The following NPNT variants were observed in gnomAD, a reference collection of about 807,000 sequenced individuals.
The protein encoded by NPNT is preosteoblast EGF-like repeat protein with MAM domain.
NPNT carries 45 observed loss-of-function variants against 68.6 expected under a neutral mutation model. The ratio of observed to expected loss-of-function variants is 0.66; its 90% CI spans 0.52 to 0.84. The LOEUF (loss-of-function observed/expected upper bound fraction) is 0.84, where lower values mean the gene tolerates loss of function less well. NPNT is among the 40% of genes least tolerant of loss of function. The pLI is 0.00. For synonymous variants in NPNT, 233 were observed against 253.3 expected (o/e 0.92, Z 0.76); for missense variants, 672 against 714.8 (o/e 0.94, Z 0.68).
intron 3 of NPNT, among the ~76,000 whole-genome samples, chr4:105,928,630 A>G (rs35143926): frequency 6.1e-5 from 9 of 148,054 alleles, no homozygotes; most frequent in South Asian, 2.1e-4. Context: ...AAAAAAAAAA[A>G]GAAAAAAAAA....
At chr4:105,940,833 C>T (rs1729887754) in intron 7 of NPNT, among the ~76,000 whole-genome samples, 197 bp downstream of exon 7, 1 of 152,174 alleles carries the variant, frequency 6.6e-6, no homozygotes, top group South Asian at 2.1e-4. Context: ...CAGTAATACA[C>T]TATAATCTTA....
rs1221464716 is a variant in NPNT at position 105,907,540 on chromosome 4, TAACA to T, written c.172+9546_172+9549del. ...GGGCCGAGGTTTTCTGTCTTCACGGTAACAAACAAATGATCAGTCCTCAAAGATA... is the reference window on the plus strand; with the variant it reads ...GGGCCGAGGTTTTCTGTCTTCACGGTAACAAATGATCAGTCCTCAAAGATA... On this transcript the variant is annotated intron_variant, in intron 2 of 11. Coordinates refer to ENST00000379987, the MANE Select transcript of NPNT (RefSeq NM_001033047.3). Among the ~76,000 whole-genome samples, 4 of 151,802 alleles carry T rather than the reference TAACA, an allele frequency of 2.6e-5. No individual in the cohort carries two copies. The East Asian group carries it at 5.8e-4, about 22-fold the overall frequency.
intron 2 of NPNT, chr4:105,912,380 G>A: frequency 1.5e-6 from 1 of 648,204 alleles, no homozygotes; most frequent in Non-Finnish European, 2.6e-6. Context: ...ATATTTCTTA[G>A]AGATGTGCTT....
At chr4:105,943,106 T>G (rs1371347255) in intron 8 of NPNT, among the ~76,000 whole-genome samples, 1 of 152,166 alleles carries the variant, frequency 6.6e-6, no homozygotes, top group Non-Finnish European at 1.5e-5. Flanking sequence ...CTTGTATTAG[T>G]TATTGGGTTC....
intron 3 of NPNT, chr4:105,932,464 C>A (rs1729190557): frequency 4.1e-6 from 2 of 491,030 alleles, no homozygotes; most frequent in Non-Finnish European, 7.2e-6. Flanking sequence ...CCAGAAGAAC[C>A]AGAAACTATT....
At position 105,970,493 on chromosome 4, in the gene NPNT, T is replaced by C; in HGVS notation, c.*1503T>C. On this transcript the variant is annotated 3_prime_UTR_variant, in exon 12 of 12. Coordinates refer to ENST00000379987, the MANE Select transcript of NPNT (RefSeq NM_001033047.3). ...AGAAGACTGAGGGGCAAACCATTGA[T>C]GGTTTTCAAGTATATGAAGGGTTGG... 6 of 693,630 alleles carry C rather than the reference T, an allele frequency of 8.7e-6. No individual in the cohort carries two copies. The highest frequency in any genetic ancestry group is 1.6e-5 in the Non-Finnish European group (6 of 378,482). 43.0% of individuals were successfully genotyped at this position (693,630 alleles called of 1,614,324 possible).
intron 8 of NPNT, among the ~76,000 whole-genome samples, chr4:105,956,313 A>G (rs367688169): frequency 2.0e-5 from 3 of 152,076 alleles, no homozygotes; most frequent in East Asian, 3.9e-4. Flanking sequence ...CCCCAATGCT[A>G]TGCTTTTTGC....
intron 2 of NPNT, among the ~76,000 whole-genome samples, chr4:105,901,099 T>C (rs72960951): frequency 0.042 from 6,405 of 152,238 alleles, 438 homozygotes; most frequent in African/African-American, 0.14. Flanking sequence ...TTTTTGTCAT[T>C]TTGATGGCAT....
intron 1 of NPNT, among the ~76,000 whole-genome samples, chr4:105,897,194 C>T (rs1725929765): frequency 6.6e-6 from 1 of 152,170 alleles, no homozygotes; most frequent in African/African-American, 2.4e-5. Context: ...AAATCTGTAT[C>T]CTGAAATTAC....
chr4:105,942,228 T>C, intron 7 of NPNT, 79 bp from the exon 8 acceptor site: 1 of 1,124,640 alleles, frequency 8.9e-7, no homozygotes. Context: ...TCATTAGATG[T>C]TTTTATGTCT....
chr4:105,923,315 G>T (rs1001369460), intron 2 of NPNT, among the ~76,000 whole-genome samples: 2 of 149,186 alleles, frequency 1.3e-5, no homozygotes, highest in Non-Finnish European at 3.0e-5. Context: ...TAGAAATAAA[G>T]TTTTTTTTTT....
intron 2 of NPNT, among the ~76,000 whole-genome samples, chr4:105,921,074 T>C (rs1370735971): frequency 6.6e-6 from 1 of 152,206 alleles, no homozygotes; most frequent in Non-Finnish European, 1.5e-5. Flanking sequence ...ACTTTAGTTT[T>C]CTTAAGTTAT....
At position 105,952,369 on chromosome 4, in the gene NPNT, T is replaced by G. The variant is rs111986845; in HGVS notation, c.1160-6102T>G. Among the ~76,000 whole-genome samples, 865 of 152,338 alleles carry G rather than the reference T, an allele frequency of 5.7e-3. 11 individuals are homozygous for G. The highest frequency in any genetic ancestry group is 0.02 in the African/African-American group (829 of 41,582). ...GAATACTGTGTTTTATTTAGGTGTT[T>G]ATAGTCTCATTAGACAGTTGTGATT... On this transcript the variant is annotated intron_variant, in intron 8 of 11. Transcript: ENST00000379987.
chr4:105,911,968 A>G, intron 2 of NPNT: 1 of 515,210 alleles, frequency 1.9e-6, no homozygotes, highest in Non-Finnish European at 3.4e-6. Flanking sequence ...AACTTCAATT[A>G]TTGGTTAATA....
At chr4:105,914,371 C>T (rs28612585) in intron 2 of NPNT, among the ~76,000 whole-genome samples, 1 of 128,944 alleles carries the variant, frequency 7.8e-6, no homozygotes, top group Non-Finnish European at 1.6e-5. Flanking sequence ...CTCTCTCTCT[C>T]TCTATATATA....
intron 3 of NPNT, chr4:105,932,466 G>A: frequency 2.0e-6 from 1 of 498,718 alleles, no homozygotes; most frequent in Non-Finnish European, 3.5e-6. Context: ...AGAAGAACCA[G>A]AAACTATTGT....
intron 8 of NPNT, among the ~76,000 whole-genome samples, chr4:105,950,449 A>ATTAT (rs1183374988): frequency 3.3e-5 from 5 of 151,822 alleles, no homozygotes; most frequent in Non-Finnish European, 7.4e-5. Flanking sequence ...TTATTTATTT[A>ATTAT]TTATTTATTT....
chr4:105,942,810 G>A, intron 8 of NPNT, 108 bp downstream of exon 8: 1 of 1,055,184 alleles, frequency 9.5e-7, no homozygotes. Flanking sequence ...AACTAGCTAT[G>A]TAAAGTCGTA....
rs1732368124 is a variant in NPNT at position 105,968,815 on chromosome 4, T to A, written c.1603-80T>A. ...AGTTTAAAATTGGTTTGGGGGAAGG[T>A]TTGCCTTTATTTTTGCTTAATAAGG... On this transcript the variant is annotated intron_variant, in intron 11 of 11. Coordinates refer to ENST00000379987, the MANE Select transcript of NPNT (RefSeq NM_001033047.3). 5.2e-6 allele frequency: 4 copies of A among 770,522 alleles called. No individual in the cohort carries two copies. In the East Asian group the frequency reaches 1.0e-4, roughly 20 times the overall value. The allele number at this position is 770,522 out of a possible 1,614,324, so 47.7% of individuals were successfully genotyped here. A position where few individuals can be genotyped will look rare whatever the true frequency, so the allele number is the denominator to read the frequency against.
Sources: allele counts gnomAD v4.1 joint callset (sites outside exome capture counted in the v4.1 genomes callset), GRCh38; gene constraint gnomAD v4.1.1; transcripts MANE v1.5; gene names NCBI Gene and HGNC (gene_info 2026-07-23, HGNC 2026-07-21).